Variants in INTU observed in about 807,000 individuals in gnomAD.
INTU encodes inturned planar cell polarity protein, also known as protein inturned.
INTU carries 68 observed loss-of-function variants against 100.5 expected under a neutral mutation model. The observed-to-expected ratio is 0.68, with a 90% CI of 0.56 to 0.83. The LOEUF (loss-of-function observed/expected upper bound fraction) is 0.83, where lower values mean the gene tolerates loss of function less well. Among genes scored for constraint, INTU ranks in the 40% least tolerant of loss-of-function variants. The pLI, the probability that INTU is intolerant of heterozygous loss-of-function variation, is 0.00. For missense variants in INTU, 1,071 were observed against 1,114.7 expected, an observed-to-expected ratio of 0.96 and a Z score of 0.56; for synonymous variants, 357 against 395.7, an observed-to-expected ratio of 0.90 and a Z score of 1.16.
At chr4:127,656,749 T>G (rs1174248678) in intron 3 of INTU, 28 bp downstream of exon 3, 1 of 1,378,224 alleles carries the variant, frequency 7.3e-7, no homozygotes, top group Non-Finnish European at 1.0e-6. Flanking sequence ...CTATATTTTA[T>G]GATGTTACAT....
chr4:127,715,410 G>T (rs1458702872), intron 15 of INTU, among the ~76,000 whole-genome samples: 1 of 152,148 alleles, frequency 6.6e-6, no homozygotes, highest in African/African-American at 2.4e-5. Flanking sequence ...ATTCCCATGT[G>T]CTAGTCCATG....
In INTU at chr4:127,669,167, AT is replaced by A. The variant is rs751028154; in HGVS notation, c.1091+16del. On this transcript the variant is annotated intron_variant, in intron 5 of 15. Transcript: ENST00000335251. Reference sequence around the variant, plus strand: ...CACAAGTTACTAGGTAATAATTTTTATTTAGCTTTAATTCTGTTTTTTTCAA... The same window carrying A: ...CACAAGTTACTAGGTAATAATTTTTATTAGCTTTAATTCTGTTTTTTTCAA... 3.2e-6 allele frequency: 4 copies of A among 1,243,472 alleles called. No individual in the cohort carries two copies. In the African/African-American group the frequency reaches 6.0e-5, roughly 19 times the overall value. The allele number at this position is 1,243,472 out of a possible 1,614,324, so 77.0% of individuals were successfully genotyped here.
rs1023627714 is a variant in INTU at position 127,646,227 on chromosome 4, A to C, written c.682+2171A>C. Among the ~76,000 whole-genome samples, 4 of 152,064 alleles carry C rather than the reference A, an allele frequency of 2.6e-5. No individual in the cohort carries two copies. In the South Asian group the frequency reaches 6.2e-4, roughly 24 times the overall value. Reference sequence around the variant, plus strand: ...TTGTTTGGATGACTTATTATGCAACAATAGATGACTGGAACAGGGGCTAAT... The same window carrying C: ...TTGTTTGGATGACTTATTATGCAACCATAGATGACTGGAACAGGGGCTAAT... On this transcript the variant is annotated intron_variant, in intron 2 of 15. Coordinates refer to ENST00000335251, the MANE Select transcript of INTU (RefSeq NM_015693.4).
At chr4:127,698,326 G>A (rs183705658) in intron 8 of INTU, among the ~76,000 whole-genome samples, 3 of 151,964 alleles carry the variant, frequency 2.0e-5, no homozygotes, top group Admixed American at 6.6e-5. Flanking sequence ...GGCAGGCGTG[G>A]TGGCGGGCGC....
chr4:127,653,007 G>A (rs981809663), intron 2 of INTU, among the ~76,000 whole-genome samples: 3,162 of 151,266 alleles, frequency 0.021, 48 homozygotes, highest in South Asian at 0.053. Context: ...GTTTATTTGC[G>A]TAGAGGTGTT....
At chr4:127,652,900 C>G (rs1226882368) in intron 2 of INTU, among the ~76,000 whole-genome samples, 4 of 140,488 alleles carry the variant, frequency 2.8e-5, no homozygotes, top group African/African-American at 1.1e-4. Flanking sequence ...AATTTCAGCT[C>G]CTGTTATTGG....
intron 2 of INTU, among the ~76,000 whole-genome samples, chr4:127,653,315 G>A (rs1246650950): frequency 0.054 from 5,125 of 94,042 alleles, no homozygotes; most frequent in Non-Finnish European, 0.065. Context: ...TGTGATGTTA[G>A]GGTGTCAATT....
At chr4:127,633,311 T>A in intron 1 of INTU, 131 bp downstream of exon 1, 1 of 845,120 alleles carries the variant, frequency 1.2e-6, no homozygotes, top group Non-Finnish European at 1.8e-6. Context: ...AAGTGGGATT[T>A]AATTGCACCA....
intron 15 of INTU, among the ~76,000 whole-genome samples, chr4:127,715,411 C>G (rs1321193830): frequency 6.6e-6 from 1 of 152,122 alleles, no homozygotes; most frequent in African/African-American, 2.4e-5. Flanking sequence ...TTCCCATGTG[C>G]TAGTCCATGG....
rs1731397741 is a variant in INTU at position 127,725,056 on chromosome 4, C to G, written c.*8620C>G. On this transcript the variant is annotated 3_prime_UTR_variant, in exon 16 of 16. Transcript: ENST00000335251. ...ACTCCAGCACTTTGGAAGGCTGAGG[C>G]AGGCAGATCACTTGAGGTCAGGCGT... 1 of 149,870 alleles carries G rather than the reference C, an allele frequency of 6.7e-6. No individual in the cohort carries two copies. The highest frequency in any genetic ancestry group is 6.8e-5 in the Admixed American group (1 of 14,808). The allele number at this position is 149,870 out of a possible 1,614,324, so 9.3% of individuals were successfully genotyped here. A position where few individuals can be genotyped will look rare whatever the true frequency, so the allele number is the denominator to read the frequency against.
chr4:127,718,103 G>A lies in INTU; in HGVS notation c.*1667G>A, dbSNP rs569718428. ...TGGTATTGCCTAGATTTTCTTCTAG[G>A]GATTTTATAGTTTTGGGCTTTACAT... On this transcript the variant is annotated 3_prime_UTR_variant, in exon 16 of 16. Coordinates refer to ENST00000335251, the MANE Select transcript of INTU (RefSeq NM_015693.4). 2.0e-4 allele frequency: 31 copies of A among 152,110 alleles called. No homozygotes were observed. The highest frequency in any genetic ancestry group is 3.2e-4 in the Non-Finnish European group (22 of 67,964). The allele number at this position is 152,110 out of a possible 1,614,324, so 9.4% of individuals were successfully genotyped here.
intron 6 of INTU, among the ~76,000 whole-genome samples, chr4:127,678,103 G>C (rs1340532300): frequency 3.3e-5 from 5 of 151,994 alleles, no homozygotes. Flanking sequence ...GGACTATGTG[G>C]AAAGACCAAA....
chr4:127,688,958 C>CTTTCTTTCTTTCTTTTTT (rs777450973), intron 8 of INTU, among the ~76,000 whole-genome samples: 1 of 74,508 alleles, frequency 1.3e-5, no homozygotes. Flanking sequence ...CTTTCTTTTT[C>CTTTCTTTCTTTCTTTTTT]TTTTCTTTCT....
intron 5 of INTU, among the ~76,000 whole-genome samples, chr4:127,669,750 A>G (rs951662930): frequency 5.3e-5 from 8 of 151,870 alleles, no homozygotes; most frequent in Admixed American, 2.6e-4. Context: ...GTTATTCCAC[A>G]TTCTATGTCC....
chr4:127,656,089 G>A (rs1448226666), intron 2 of INTU, among the ~76,000 whole-genome samples: 4 of 152,152 alleles, frequency 2.6e-5, no homozygotes, highest in South Asian at 4.1e-4. Context: ...GCTTGCACAC[G>A]GTGTGCGCAC....
Position 127,675,520 on chromosome 4 carries a change from A to T in INTU, c.1181+1307A>T, listed in dbSNP as rs187299207. 4.6e-5 allele frequency among the ~76,000 whole-genome samples: 7 copies of T among 152,362 alleles called. No individual in the cohort carries two copies. The East Asian group carries it at 1.2e-3, about 25-fold the overall frequency. On this transcript the variant is annotated intron_variant, in intron 6 of 15. Transcript: ENST00000335251. The stretch of plus-strand genomic sequence containing the variant: ...AGGGGTAATTTAAACTTAAATAGTA[A>T]ACATTTATTAACACAAAGGTGTTTT...
At chr4:127,681,448 T>G (rs773507749) in intron 6 of INTU, among the ~76,000 whole-genome samples, 1 of 151,976 alleles carries the variant, frequency 6.6e-6, no homozygotes, top group African/African-American at 2.4e-5. Flanking sequence ...AAATAATGCC[T>G]CATATCTACA....
At position 127,692,628 on chromosome 4, in the gene INTU, C is replaced by A. The variant is rs934254280; in HGVS notation, c.1449+4761C>A. 5.9e-5 allele frequency among the ~76,000 whole-genome samples: 9 copies of A among 152,116 alleles called. No individual in the cohort carries two copies. The East Asian group carries it at 1.5e-3, about 26-fold the overall frequency. The stretch of plus-strand genomic sequence containing the variant: ...TTTATCTTTGTTTTTGTTGCATTTG[C>A]TTTTGGGTTCTTGGTCATGAAGTCT... On this transcript the variant is annotated intron_variant, in intron 8 of 15. Transcript: ENST00000335251.
At position 127,724,414 on chromosome 4, in the gene INTU, C is replaced by T. The variant is rs189670148; in HGVS notation, c.*7978C>T. On this transcript the variant is annotated 3_prime_UTR_variant, in exon 16 of 16. Transcript: ENST00000335251. ...CTGCCTGTGGAACAGAATGAGACTC[C>T]GTCTCAAAAAAAAAAAAAAAAATAC... The T allele has an allele frequency of 2.1e-5, 3 of 144,244 alleles. No individual in the cohort carries two copies. The highest frequency in any genetic ancestry group is 7.2e-5 in the Admixed American group (1 of 13,972). The allele number at this position is 144,244 out of a possible 1,614,324, so 8.9% of individuals were successfully genotyped here.
Sources: gnomAD v4.1 joint callset for allele counts (sites outside exome capture counted in the v4.1 genomes callset) on GRCh38, gnomAD v4.1.1 for gene constraint, MANE v1.5 for transcripts, NCBI Gene and HGNC (gene_info 2026-07-23, HGNC 2026-07-21) for gene names.